DIAPH3: variants seen among roughly 807,000 people sequenced by gnomAD.
The protein encoded by DIAPH3 is protein diaphanous homolog 3.
Under a neutral mutation model 144.3 loss-of-function variants are expected in DIAPH3, and 117 were observed. That is an observed-to-expected ratio of 0.81 (90% confidence interval 0.70 to 0.95). The LOEUF is 0.95. Ranked by LOEUF, DIAPH3 falls within the 40% of genes least tolerant of loss-of-function variation. The pLI, the probability that DIAPH3 is intolerant of heterozygous loss-of-function variation, is 0.00. For missense variants in DIAPH3, 1,421 were observed against 1,412.7 expected (o/e 1.01, Z -0.09); for synonymous variants, 519 against 488.9 (o/e 1.06, Z -0.81).
At chr13:59,867,765 A>G (rs1201618356) in intron 21 of DIAPH3, among the ~76,000 whole-genome samples, 1 of 152,154 alleles carries the variant, frequency 6.6e-6, no homozygotes, top group Non-Finnish European at 1.5e-5. Flanking sequence ...TGCAAAAGAT[A>G]TAAAACAGCT....
At chr13:59,796,346 G>A (rs145856563) in intron 25 of DIAPH3, among the ~76,000 whole-genome samples, 2 of 152,308 alleles carry the variant, frequency 1.3e-5, no homozygotes, top group Non-Finnish European at 2.9e-5. Flanking sequence ...ACACATTAAG[G>A]ATGCACCATA....
intron 27 of DIAPH3, among the ~76,000 whole-genome samples, chr13:59,716,063 T>C (rs1022108731): frequency 4.6e-5 from 7 of 152,228 alleles, no homozygotes; most frequent in Non-Finnish European, 1.0e-4. Context: ...TACAAGCAGT[T>C]GGTTATGGAC....
chr13:59,970,123 T>C (rs2050276852), intron 16 of DIAPH3, 65 bp from the exon 17 acceptor site: 2 of 871,374 alleles, frequency 2.3e-6, no homozygotes, highest in Non-Finnish European at 3.7e-6. Context: ...AGTCAAGCAC[T>C]ATGCATACAC....
intron 27 of DIAPH3, among the ~76,000 whole-genome samples, chr13:59,682,123 G>A (rs1377640853): frequency 4.6e-5 from 7 of 152,122 alleles, no homozygotes; most frequent in African/African-American, 1.7e-4. Context: ...ACTGACAAGA[G>A]CAGCAAAATT....
At chr13:59,795,136 T>C (rs1237278910) in intron 25 of DIAPH3, among the ~76,000 whole-genome samples, 1 of 152,178 alleles carries the variant, frequency 6.6e-6, no homozygotes, top group African/African-American at 2.4e-5. Flanking sequence ...CAAAGGAGAA[T>C]GAACGAAAGC....
intron 1 of DIAPH3, among the ~76,000 whole-genome samples, chr13:60,150,045 A>G (rs1951712801): frequency 1.3e-5 from 2 of 152,104 alleles, no homozygotes; most frequent in South Asian, 2.1e-4. Context: ...TTTTTGAGAC[A>G]GGATCCCGCT....
At chr13:60,041,660 A>G (rs1368375411) in intron 5 of DIAPH3, among the ~76,000 whole-genome samples, 2 of 152,134 alleles carry the variant, frequency 1.3e-5, no homozygotes, top group African/African-American at 4.8e-5. Flanking sequence ...ATAGTATGCA[A>G]TTCTAGCCTT....
At chr13:60,093,540 C>A in intron 4 of DIAPH3, 88 bp downstream of exon 4, 1 of 869,098 alleles carries the variant, frequency 1.2e-6, no homozygotes, top group Non-Finnish European at 1.9e-6. Context: ...CAGTTGCCCA[C>A]AAACTTAAGT....
chr13:60,092,605 G>C (rs1413566137), intron 4 of DIAPH3, among the ~76,000 whole-genome samples: 2 of 151,994 alleles, frequency 1.3e-5, no homozygotes, highest in South Asian at 2.1e-4. Context: ...GAGCCGAGAT[G>C]GCGCCACTGC....
At chr13:60,100,670 A>AAAT (rs2058243310) in intron 3 of DIAPH3, among the ~76,000 whole-genome samples, 2 of 152,164 alleles carry the variant, frequency 1.3e-5, no homozygotes, top group Non-Finnish European at 2.9e-5. Context: ...TATAAGTCTA[A>AAAT]AATTATTTCA....
Position 60,133,007 on chromosome 13 carries a change from G to A in DIAPH3, c.181-18C>T. The stretch of plus-strand genomic sequence containing the variant: ...TTTAAATGCTGCAAATTAAAAAAAA[G>A]CAATCATATTAGTAATTTATAACAG... On this transcript the variant is annotated intron_variant, in intron 1 of 27. Transcript: ENST00000400324. 1 of 1,575,316 alleles carries A rather than the reference G, an allele frequency of 6.3e-7. No individual in the cohort carries two copies. Among genetic ancestry groups the A allele is most frequent in the Admixed American group, 1.7e-5 (1 of 59,356 alleles).
chr13:59,684,032 T>TC (rs1232948248), intron 27 of DIAPH3, among the ~76,000 whole-genome samples: 3 of 151,384 alleles, frequency 2.0e-5, no homozygotes, highest in Non-Finnish European at 4.4e-5. Context: ...TTGTTAATAT[T>TC]CCCATTCTGC....
intron 14 of DIAPH3, among the ~76,000 whole-genome samples, chr13:59,976,156 C>T (rs1383834069): frequency 6.6e-6 from 1 of 151,898 alleles, no homozygotes; most frequent in Non-Finnish European, 1.5e-5. Context: ...TATTCTTAAA[C>T]CACACTCACT....
chr13:59,982,558 T>C (rs1392105334), intron 13 of DIAPH3, among the ~76,000 whole-genome samples: 1 of 151,644 alleles, frequency 6.6e-6, no homozygotes, highest in Non-Finnish European at 1.5e-5. Context: ...AACATAACCC[T>C]GCACAGATAC....
At chr13:59,851,080 G>A (rs1255249990) in intron 22 of DIAPH3, among the ~76,000 whole-genome samples, 2 of 151,054 alleles carry the variant, frequency 1.3e-5, no homozygotes, top group African/African-American at 2.4e-5. Flanking sequence ...CCAAAAAAGA[G>A]AATTTTAGAC....
At chr13:59,704,224 A>C (rs1055421211) in intron 27 of DIAPH3, among the ~76,000 whole-genome samples, 5 of 152,202 alleles carry the variant, frequency 3.3e-5, no homozygotes, top group Admixed American at 3.3e-4. Flanking sequence ...GTCTGGCCCC[A>C]CACAACTGCC....
chr13:59,744,402 T>C (rs2036607336), intron 27 of DIAPH3, among the ~76,000 whole-genome samples: 1 of 152,238 alleles, frequency 6.6e-6, no homozygotes, highest in Non-Finnish European at 1.5e-5. Flanking sequence ...AGATGGTCTC[T>C]GCCCTCCAAG....
At chr13:59,735,154 A>T (rs904798022) in intron 27 of DIAPH3, among the ~76,000 whole-genome samples, 6 of 152,186 alleles carry the variant, frequency 3.9e-5, no homozygotes, top group African/African-American at 1.4e-4. Context: ...AAAATGAAAT[A>T]AAAACAATGC....
intron 20 of DIAPH3, among the ~76,000 whole-genome samples, chr13:59,904,446 A>C (rs185740569): frequency 1.3e-5 from 2 of 152,236 alleles, no homozygotes; most frequent in East Asian, 3.9e-4. Context: ...AAAAAGTTTT[A>C]ATGCTATTCT....
Sources: gnomAD v4.1 joint callset for allele counts (sites outside exome capture counted in the v4.1 genomes callset) on GRCh38, gnomAD v4.1.1 for gene constraint, MANE v1.5 for transcripts, NCBI Gene and HGNC (gene_info 2026-07-23, HGNC 2026-07-21) for gene names.